NAALADL2: variants seen among roughly 807,000 people sequenced by gnomAD.
NAALADL2 encodes inactive N-acetylated-alpha-linked acidic dipeptidase-like protein 2.
NAALADL2 carries 76 observed loss-of-function variants against 87.2 expected under a neutral mutation model. The ratio of observed to expected loss-of-function variants is 0.87; its 90% CI spans 0.72 to 1.05. The LOEUF (loss-of-function observed/expected upper bound fraction) is 1.05. NAALADL2 is among the 50% of genes least tolerant of loss of function. NAALADL2 has a pLI of 0.00. For missense variants in NAALADL2, 1,089 were observed against 945.8 expected, an observed-to-expected ratio of 1.15 and a Z score of -1.99; for synonymous variants, 354 against 331.0, an observed-to-expected ratio of 1.07 and a Z score of -0.75.
Position 174,705,468 on chromosome 3 carries a change from A to G in NAALADL2, c.-114-32173A>G, listed in dbSNP as rs529108861. Among the ~76,000 whole-genome samples, 19 of 152,310 alleles carry G rather than the reference A, an allele frequency of 1.2e-4. 1 individual carries two copies. In the South Asian group the frequency reaches 3.7e-3, roughly 30 times the overall value. On this transcript the variant is annotated intron_variant, in intron 2 of 3. Transcript: ENST00000434257. ...CAATATATTCCAGGACACATTACCC[A>G]TGAAAGAAATATTCCTTTAAAAATT...
At chr3:174,588,080 T>G (rs1411088100) in intron 2 of NAALADL2, among the ~76,000 whole-genome samples, 1 of 148,088 alleles carries the variant, frequency 6.8e-6, no homozygotes, top group African/African-American at 2.4e-5. Flanking sequence ...CTTTTTACTC[T>G]TTTTTCTGTA....
At chr3:175,542,284 G>A (rs1391192458) in intron 9 of NAALADL2, among the ~76,000 whole-genome samples, 1 of 152,108 alleles carries the variant, frequency 6.6e-6, no homozygotes, top group Non-Finnish European at 1.5e-5. Context: ...ATATTTTGTG[G>A]AAAATGAGCA....
intron 1 of NAALADL2, among the ~76,000 whole-genome samples, chr3:174,500,855 G>T (rs1335854045): frequency 1.5e-5 from 2 of 136,276 alleles, no homozygotes; most frequent in Non-Finnish European, 3.2e-5. Flanking sequence ...GATTCCATTG[G>T]ATAATTTTTT....
At chr3:174,672,896 T>C (rs907798382) in intron 2 of NAALADL2, among the ~76,000 whole-genome samples, 2 of 117,546 alleles carry the variant, frequency 1.7e-5, no homozygotes, top group African/African-American at 3.4e-5. Context: ...CCTAGGCCAT[T>C]ATAAAGATTG....
At chr3:175,013,291 A>G (rs1210979650) in intron 1 of NAALADL2, among the ~76,000 whole-genome samples, 2 of 84,738 alleles carry the variant, frequency 2.4e-5, no homozygotes, top group East Asian at 3.0e-4. Context: ...ATATATATAT[A>G]TATATATATA....
At chr3:174,597,937 A>G (rs1043258335) in intron 2 of NAALADL2, among the ~76,000 whole-genome samples, 2 of 152,050 alleles carry the variant, frequency 1.3e-5, no homozygotes, top group Non-Finnish European at 2.9e-5. Flanking sequence ...TTTTCATAGC[A>G]CTTATCACTT....
intron 2 of NAALADL2, among the ~76,000 whole-genome samples, chr3:174,608,898 G>A (rs1719442916): frequency 6.6e-6 from 1 of 151,844 alleles, no homozygotes; most frequent in Admixed American, 6.6e-5. Context: ...GATGAACATT[G>A]ATGCAAAAAT....
intron 2 of NAALADL2, among the ~76,000 whole-genome samples, chr3:174,607,101 C>T (rs1180290113): frequency 2.0e-5 from 3 of 152,048 alleles, no homozygotes; most frequent in Admixed American, 6.6e-5. Context: ...AAATCCTTTA[C>T]AGACAAGCAA....
At chr3:174,892,375 T>G (rs1279720384) in intron 1 of NAALADL2, among the ~76,000 whole-genome samples, 1 of 152,034 alleles carries the variant, frequency 6.6e-6, no homozygotes, top group Non-Finnish European at 1.5e-5. Context: ...AACGAAGATA[T>G]TGAAATAATT....
At chr3:175,786,576 T>G (rs551732788) in intron 13 of NAALADL2, among the ~76,000 whole-genome samples, 1 of 152,254 alleles carries the variant, frequency 6.6e-6, no homozygotes, top group South Asian at 2.1e-4. Context: ...CTTCTCTGTA[T>G]TGGTTATTCT....
chr3:175,625,448 C>G (rs1726849107), intron 10 of NAALADL2, among the ~76,000 whole-genome samples: 1 of 151,940 alleles, frequency 6.6e-6, no homozygotes, highest in Non-Finnish European at 1.5e-5. Context: ...GCGAGAAGTG[C>G]ACATGGGACT....
chr3:175,554,259 G>A (rs1210070994), intron 9 of NAALADL2, among the ~76,000 whole-genome samples: 2 of 152,154 alleles, frequency 1.3e-5, no homozygotes, highest in East Asian at 3.9e-4. Flanking sequence ...GCCAGGGTCA[G>A]TTTTTCAGTT....
chr3:174,664,254 C>T (rs1725764942), intron 2 of NAALADL2, among the ~76,000 whole-genome samples: 1 of 152,176 alleles, frequency 6.6e-6, no homozygotes, highest in Non-Finnish European at 1.5e-5. Flanking sequence ...AATGATATTG[C>T]TTCTTCATAA....
At chr3:175,268,807 C>T (rs1239686943) in intron 4 of NAALADL2, among the ~76,000 whole-genome samples, 3 of 152,120 alleles carry the variant, frequency 2.0e-5, no homozygotes, top group Admixed American at 1.3e-4. Flanking sequence ...TCTTCCACCT[C>T]CATGTCTTGT....
chr3:174,843,789 G>GT (rs1579168033), intron 3 of NAALADL2, among the ~76,000 whole-genome samples: 1 of 151,920 alleles, frequency 6.6e-6, no homozygotes, highest in South Asian at 2.1e-4. Context: ...GCGATGTTGA[G>GT]TTTTTTTTCA....
At chr3:175,318,296 A>C (rs1759407409) in intron 4 of NAALADL2, among the ~76,000 whole-genome samples, 1 of 152,150 alleles carries the variant, frequency 6.6e-6, no homozygotes. Flanking sequence ...ATGTATGTTC[A>C]TAAACCCTAG....
chr3:174,788,461 T>A (rs1229760303), intron 3 of NAALADL2, among the ~76,000 whole-genome samples: 1 of 152,124 alleles, frequency 6.6e-6, no homozygotes, highest in Non-Finnish European at 1.5e-5. Context: ...GGTCAACCAG[T>A]TTGGTTTCTT....
At chr3:175,295,722 C>A (rs1756244364) in intron 4 of NAALADL2, among the ~76,000 whole-genome samples, 1 of 144,710 alleles carries the variant, frequency 6.9e-6, no homozygotes, top group African/African-American at 2.8e-5. Context: ...CACACAAACA[C>A]ACACACACAC....
chr3:175,553,179 A>G (rs1159765088), intron 9 of NAALADL2, among the ~76,000 whole-genome samples: 3 of 152,162 alleles, frequency 2.0e-5, no homozygotes, highest in Non-Finnish European at 4.4e-5. Flanking sequence ...TATCTAAGTC[A>G]ATATATCAGT....
Sources: allele counts gnomAD v4.1 joint callset (sites outside exome capture counted in the v4.1 genomes callset), GRCh38; gene constraint gnomAD v4.1.1; transcripts MANE v1.5; gene names NCBI Gene and HGNC (gene_info 2026-07-23, HGNC 2026-07-21).